The following DPY19L4 variants were observed in gnomAD, a reference collection of about 807,000 sequenced individuals.
DPY19L4 encodes probable C-mannosyltransferase DPY19L4.
A neutral mutation model predicts 102.8 loss-of-function variants in DPY19L4; 97 were observed. The observed-to-expected ratio is 0.94, with a 90% confidence interval of 0.80 to 1.12. DPY19L4 has a LOEUF of 1.12. DPY19L4 is among the 50% of genes most tolerant of loss of function. The probability of loss-of-function intolerance (pLI) is 0.00; values close to 1 mark genes in which losing one functional copy is unlikely to be tolerated. For synonymous variants in DPY19L4, 252 were observed against 283.1 expected (o/e 0.89, Z 1.10); for missense variants, 815 against 850.4 (o/e 0.96, Z 0.52).
At chr8:94,734,599 C>A in intron 2 of DPY19L4, 31 bp from the exon 3 acceptor site, 2 of 1,586,022 alleles carry the variant, frequency 1.3e-6, no homozygotes, top group Non-Finnish European at 1.7e-6. Flanking sequence ...GTACATATTA[C>A]CTTTTCATTA....
At chr8:94,771,600 A>G (rs1812939081) in intron 13 of DPY19L4, among the ~76,000 whole-genome samples, 1 of 152,230 alleles carries the variant, frequency 6.6e-6, no homozygotes, top group Non-Finnish European at 1.5e-5. Context: ...GAGATCAGAA[A>G]AGTTCTCTAA....
chr8:94,722,573 A>G (rs1586296171), intron 1 of DPY19L4, among the ~76,000 whole-genome samples: 1 of 152,178 alleles, frequency 6.6e-6, no homozygotes. Context: ...TTCATACCCT[A>G]TTAGATGCAA....
In DPY19L4 at chr8:94,768,515, TTTTC is replaced by T; in HGVS notation, c.1302_1305del (p.Ser435CysfsTer14). 1 of 1,569,644 alleles carries T rather than the reference TTTTC, an allele frequency of 6.4e-7. No individual in the cohort carries two copies. The highest frequency in any genetic ancestry group is 1.2e-5 in the South Asian group (1 of 86,070). Reference sequence around the variant, plus strand: ...TCTACATTCTAGTGTTAATTATTTGTTTTCTTTCTATGTTGCAAGTTATTTTTAG... The same window carrying T: ...TCTACATTCTAGTGTTAATTATTTGTTTTCTATGTTGCAAGTTATTTTTAG... On this transcript the variant is annotated frameshift_variant, in exon 12 of 19. Coordinates refer to ENST00000414645, the MANE Select transcript of DPY19L4 (RefSeq NM_181787.3). LOFTEE classifies it high-confidence loss of function.
intron 18 of DPY19L4, among the ~76,000 whole-genome samples, chr8:94,789,510 T>C (rs1813803041): frequency 6.6e-6 from 1 of 152,182 alleles, no homozygotes; most frequent in Non-Finnish European, 1.5e-5. Context: ...ATTAAATCTT[T>C]TAAAAATTGG....
chr8:94,738,428 A>C lies in DPY19L4; in HGVS notation c.312A>C (p.Lys104Asn), dbSNP rs1041029618. ...GTGCCATTTATTACTCCTATTATAA[A>C]GATATGTTAAAGGCACCTTCATTTG... Reference protein sequence around the residue: ...GDSAIYYSYYKDMLKAPSFER... With the variant: ...GDSAIYYSYYNDMLKAPSFER... The change falls in exon 4 of 19, where the codon AAA (lysine) becomes AAC (asparagine). Residue 104 changes from lysine (K) to asparagine (N), a missense_variant. Physicochemically the swap from Lys to Asn is moderately conservative, Grantham distance 94. Transcript: ENST00000414645. The C allele has an allele frequency of 8.3e-6, 13 of 1,563,970 alleles. No homozygotes were observed. Among genetic ancestry groups the C allele is most frequent in the Non-Finnish European group, 1.1e-5 (13 of 1,157,494 alleles).
At chr8:94,740,431 T>C (rs1811392131) in intron 6 of DPY19L4, among the ~76,000 whole-genome samples, 1 of 151,898 alleles carries the variant, frequency 6.6e-6, no homozygotes, top group Non-Finnish European at 1.5e-5. Flanking sequence ...TACAATACTG[T>C]TTTGGTTTTG....
In DPY19L4 at chr8:94,726,442, G is replaced by GT. The variant is rs747687299; in HGVS notation, c.127+2dup. The GT allele has an allele frequency of 4.4e-6, 7 of 1,601,060 alleles. No individual in the cohort carries two copies. The East Asian group carries it at 9.0e-5, about 20-fold the overall frequency. ...CCAATTCCTGAAAGAGCTCCAAAAC[G>GT]TAAGTTAGATAGACTTGGAATTTGT... On this transcript the variant is annotated splice_donor_variant, in intron 2 of 18. Coordinates refer to ENST00000414645, the MANE Select transcript of DPY19L4 (RefSeq NM_181787.3). LOFTEE classifies it high-confidence loss of function.
chr8:94,777,754 C>T lies in DPY19L4; in HGVS notation c.1543C>T (p.Leu515Phe). ...ACTTTGGATGACACTTTTCAAGTGG[C>T]TTCGATTAAGAACTGTACACCCAAT... ...PELWMTLFKW[L>F]RLRTVHPILL... The change falls in exon 14 of 19, where the codon CTT (leucine) becomes TTT (phenylalanine). Residue 515 changes from leucine to phenylalanine, a missense_variant. Coordinates refer to ENST00000414645, the MANE Select transcript of DPY19L4 (RefSeq NM_181787.3). 1.2e-6 allele frequency: 2 copies of T among 1,613,910 alleles called. No individual in the cohort carries two copies. Among genetic ancestry groups the T allele is most frequent in the Non-Finnish European group, 1.7e-6 (2 of 1,179,918 alleles).
chr8:94,739,630 G>T lies in DPY19L4; in HGVS notation c.466-15G>T. ...CATCCTATTGTCTTGTTCTCTTTCT[G>T]TTTTTTCCACATAGGAGATTATTGA... is the stretch of plus-strand genomic sequence containing the variant. On this transcript the variant is annotated splice_polypyrimidine_tract_variant and intron_variant, in intron 5 of 18. Coordinates refer to ENST00000414645, the MANE Select transcript of DPY19L4 (RefSeq NM_181787.3). 6.2e-7 allele frequency: 1 copy of T among 1,611,928 alleles called. No individual in the cohort carries two copies. The highest frequency in any genetic ancestry group is 1.3e-5 in the African/African-American group (1 of 74,880).
intron 13 of DPY19L4, among the ~76,000 whole-genome samples, chr8:94,775,836 A>C (rs1007800174): frequency 1.3e-5 from 2 of 151,908 alleles, no homozygotes; most frequent in Admixed American, 6.6e-5. Flanking sequence ...TATACTAAGC[A>C]CTGATATCTA....
intron 3 of DPY19L4, among the ~76,000 whole-genome samples, chr8:94,737,594 T>G (rs1811241504): frequency 6.6e-6 from 1 of 150,850 alleles, no homozygotes; most frequent in Non-Finnish European, 1.5e-5. Context: ...CCATCCTGGC[T>G]AACACGGTGA....
chr8:94,742,927 A>G (rs1586339464), intron 6 of DPY19L4, among the ~76,000 whole-genome samples: 1 of 151,542 alleles, frequency 6.6e-6, no homozygotes, highest in Admixed American at 6.6e-5. Context: ...GTGGTCTCAA[A>G]CTCCTGACCT....
Position 94,792,828 on chromosome 8 carries a change from C to T in DPY19L4, c.*2918C>T. 6.6e-6 allele frequency: 1 copy of T among 152,136 alleles called. No individual in the cohort carries two copies. The highest frequency in any genetic ancestry group is 1.5e-5 in the Non-Finnish European group (1 of 68,112). 9.4% of individuals were successfully genotyped at this position (152,136 alleles called of 1,614,324 possible). Reference sequence around the variant, plus strand: ...CGAGATCATGCCGCTGCACTCCAGCCTGGGCAACAGAGCAAGACTCCATCT... The same window carrying T: ...CGAGATCATGCCGCTGCACTCCAGCTTGGGCAACAGAGCAAGACTCCATCT... On this transcript the variant is annotated 3_prime_UTR_variant, in exon 19 of 19. Coordinates refer to ENST00000414645, the MANE Select transcript of DPY19L4 (RefSeq NM_181787.3).
intron 13 of DPY19L4, among the ~76,000 whole-genome samples, chr8:94,772,378 G>A (rs1486346241): frequency 6.6e-6 from 1 of 152,096 alleles, no homozygotes; most frequent in Non-Finnish European, 1.5e-5. Flanking sequence ...TAACTAACAA[G>A]GACTCACAGA....
At chr8:94,725,120 A>C (rs1395047459) in intron 1 of DPY19L4, among the ~76,000 whole-genome samples, 1 of 152,220 alleles carries the variant, frequency 6.6e-6, no homozygotes, top group Non-Finnish European at 1.5e-5. Flanking sequence ...GTAAAGCTAG[A>C]GAACATCCAT....
intron 14 of DPY19L4, 125 bp downstream of exon 14, chr8:94,777,911 A>G: frequency 8.4e-7 from 1 of 1,193,548 alleles, no homozygotes; most frequent in Non-Finnish European, 1.1e-6. Flanking sequence ...AGGTAGAAAA[A>G]CAGATCCTGC....
chr8:94,763,030 C>A (rs1812462668), intron 8 of DPY19L4, among the ~76,000 whole-genome samples: 1 of 151,432 alleles, frequency 6.6e-6, no homozygotes, highest in South Asian at 2.1e-4. Flanking sequence ...CTCACTGCAA[C>A]CTCTGCCTCC....
chr8:94,768,321 A>G, intron 11 of DPY19L4, 74 bp from the exon 12 acceptor site: 1 of 1,219,192 alleles, frequency 8.2e-7, no homozygotes, highest in Non-Finnish European at 1.2e-6. Context: ...GTTTTTGCTG[A>G]TATTAAAAAA....
At chr8:94,726,863 C>T (rs1247256594) in intron 2 of DPY19L4, among the ~76,000 whole-genome samples, 2 of 152,062 alleles carry the variant, frequency 1.3e-5, no homozygotes, top group African/African-American at 4.8e-5. Flanking sequence ...GGGAAGTGTT[C>T]CAGGTCACAT....
Sources: allele counts gnomAD v4.1 joint callset (sites outside exome capture counted in the v4.1 genomes callset), GRCh38; gene constraint gnomAD v4.1.1; transcripts MANE v1.5; gene names NCBI Gene and HGNC (gene_info 2026-07-23, HGNC 2026-07-21).